The following POLN variants were observed in gnomAD, a reference collection of about 807,000 sequenced individuals.
POLN encodes DNA polymerase N.
A neutral mutation model predicts 113.5 loss-of-function variants in POLN; 108 were observed. That is an observed-to-expected ratio of 0.95 (90% CI 0.81 to 1.12). POLN has a LOEUF of 1.12. Ranked by LOEUF, POLN falls within the 50% of genes most tolerant of loss-of-function variation. The probability of loss-of-function intolerance (pLI) is 0.00; values close to 1 mark genes in which losing one functional copy is unlikely to be tolerated. For missense variants in POLN, 1,097 were observed against 1,077.1 expected, an observed-to-expected ratio of 1.02 and a Z score of -0.26; for synonymous variants, 386 against 391.5, an observed-to-expected ratio of 0.99 and a Z score of 0.17.
intron 19 of POLN, among the ~76,000 whole-genome samples, chr4:2,102,852 C>A (rs752185410): frequency 1.3e-5 from 2 of 152,332 alleles, no homozygotes; most frequent in East Asian, 1.9e-4. Flanking sequence ...TTCACTACTA[C>A]ACGCACTCAG....
intron 13 of POLN, among the ~76,000 whole-genome samples, chr4:2,168,428 G>T (rs1357737771): frequency 6.6e-6 from 1 of 152,242 alleles, no homozygotes; most frequent in Non-Finnish European, 1.5e-5. Flanking sequence ...CTTTTCACAT[G>T]CATGAATGAG....
intron 16 of POLN, among the ~76,000 whole-genome samples, chr4:2,147,398 G>T (rs993280873): frequency 2.0e-5 from 3 of 152,088 alleles, no homozygotes; most frequent in Admixed American, 6.6e-5. Flanking sequence ...TTCTAAGAGG[G>T]GCTTTCAAAA....
intron 2 of POLN, chr4:2,231,370 A>T (rs1734573488): frequency 6.6e-6 from 1 of 152,268 alleles, no homozygotes; most frequent in Admixed American, 6.5e-5. Context: ...GGAGGCCGGG[A>T]GAGGGGATCA....
intron 5 of POLN, among the ~76,000 whole-genome samples, chr4:2,207,116 G>A (rs1733864899): frequency 1.3e-5 from 2 of 152,216 alleles, no homozygotes; most frequent in African/African-American, 4.8e-5. Context: ...GATGAGATTG[G>A]AGACTACTAT....
chr4:2,238,747 A>G, intron 2 of POLN: 1 of 1,613,824 alleles, frequency 6.2e-7, no homozygotes, highest in Admixed American at 1.7e-5. Context: ...CAAGTTGACG[A>G]TATATGTCCC....
chr4:2,085,733 G>GC lies in POLN; in HGVS notation c.2076dup (p.Leu693AlafsTer60). On this transcript the variant is annotated frameshift_variant, in exon 21 of 26. Coordinates refer to ENST00000511885, the MANE Select transcript of POLN (RefSeq NM_181808.4). LOFTEE classifies it high-confidence loss of function. Reference sequence around the variant, plus strand: ...ATAGGAACTCCAAGGCAAGCAGCCAGCCGCTCCTTCCCTGTCAGTCAGAGA... The same window carrying GC: ...ATAGGAACTCCAAGGCAAGCAGCCAGCCCGCTCCTTCCCTGTCAGTCAGAGA... 6.2e-7 allele frequency: 1 copy of GC among 1,613,758 alleles called. No individual in the cohort carries two copies. The highest frequency in any genetic ancestry group is 8.5e-7 in the Non-Finnish European group (1 of 1,180,034).
chr4:2,141,760 G>A, intron 16 of POLN, among the ~76,000 whole-genome samples: 1 of 152,194 alleles, frequency 6.6e-6, no homozygotes. Flanking sequence ...TACCAGGGGA[G>A]TGCAGGACCC....
At chr4:2,192,887 C>T (rs1733486493) in intron 7 of POLN, among the ~76,000 whole-genome samples, 1 of 151,652 alleles carries the variant, frequency 6.6e-6, no homozygotes, top group South Asian at 2.1e-4. Context: ...ATGTTAATTA[C>T]TCTGGACTGT....
intron 16 of POLN, among the ~76,000 whole-genome samples, chr4:2,154,455 A>G (rs1253147773): frequency 6.6e-6 from 1 of 152,220 alleles, no homozygotes; most frequent in Non-Finnish European, 1.5e-5. Context: ...AAATATTTAA[A>G]GAAATGGAAA....
intron 20 of POLN, chr4:2,089,276 T>C: frequency 2.7e-6 from 4 of 1,460,808 alleles, no homozygotes; most frequent in Non-Finnish European, 3.7e-6. Flanking sequence ...AGGTCTCTTG[T>C]GGGAGAAGCT....
chr4:2,238,999 G>A, intron 2 of POLN: 1 of 1,554,794 alleles, frequency 6.4e-7, no homozygotes, highest in Non-Finnish European at 8.6e-7. Flanking sequence ...TAATCTCACT[G>A]GTCAAGCTAG....
intron 16 of POLN, among the ~76,000 whole-genome samples, chr4:2,143,136 G>A (rs1225851396): frequency 6.6e-6 from 1 of 151,570 alleles, no homozygotes; most frequent in African/African-American, 2.4e-5. Flanking sequence ...AAAAGAAAAA[G>A]TCTCAAAGCA....
intron 7 of POLN, among the ~76,000 whole-genome samples, chr4:2,180,917 C>G (rs11946841): frequency 0.25 from 37,477 of 151,578 alleles, 7,141 homozygotes; most frequent in African/African-American, 0.52. Flanking sequence ...AAGAGTAAAA[C>G]CTGTAAAAAA....
intron 19 of POLN, among the ~76,000 whole-genome samples, chr4:2,119,010 T>C (rs576599572): frequency 9.9e-4 from 151 of 152,322 alleles, no homozygotes; most frequent in African/African-American, 3.5e-3. Flanking sequence ...GTCTGACCCC[T>C]ACCAGGTACG....
intron 16 of POLN, chr4:2,139,574 G>T (rs912230454): frequency 6.6e-6 from 1 of 152,238 alleles, no homozygotes; most frequent in Admixed American, 6.5e-5. Context: ...TGGAATGAGG[G>T]GATGGCTCAG....
At chr4:2,212,697 C>A (rs112639022) in intron 4 of POLN, among the ~76,000 whole-genome samples, 50 of 152,174 alleles carry the variant, frequency 3.3e-4, no homozygotes, top group African/African-American at 1.2e-3. Context: ...AGGTCGATCA[C>A]CTCCTAATTA....
At chr4:2,167,438 C>T (rs1178578391) in intron 13 of POLN, among the ~76,000 whole-genome samples, 3 of 152,146 alleles carry the variant, frequency 2.0e-5, no homozygotes, top group African/African-American at 7.2e-5. Flanking sequence ...CACTATACCC[C>T]AGCAGGAGTG....
chr4:2,189,850 G>A (rs919897353), intron 7 of POLN, among the ~76,000 whole-genome samples: 13 of 151,764 alleles, frequency 8.6e-5, no homozygotes, highest in African/African-American at 3.1e-4. Flanking sequence ...CCAACATGGT[G>A]AAACCCCGTC....
intron 16 of POLN, among the ~76,000 whole-genome samples, chr4:2,147,925 G>A (rs1416269250): frequency 2.0e-5 from 3 of 152,084 alleles, no homozygotes; most frequent in East Asian, 1.9e-4. Flanking sequence ...TTACAGGCAT[G>A]AGCCACCGTG....
Sources: gnomAD v4.1 joint callset for allele counts (sites outside exome capture counted in the v4.1 genomes callset) on GRCh38, gnomAD v4.1.1 for gene constraint, MANE v1.5 for transcripts, NCBI Gene and HGNC (gene_info 2026-07-23, HGNC 2026-07-21) for gene names.